DCHS2: variants seen among roughly 807,000 people sequenced by gnomAD.
DCHS2 encodes the protein protocadherin-23.
A neutral mutation model predicts 182.4 loss-of-function variants in DCHS2; 142 were observed. That is an observed-to-expected ratio of 0.78 (90% confidence interval 0.68 to 0.89). The LOEUF (loss-of-function observed/expected upper bound fraction) is 0.89. Among genes scored for constraint, DCHS2 ranks in the 40% least tolerant of loss-of-function variants. The probability of loss-of-function intolerance (pLI) is 0.00; values close to 1 mark genes in which losing one functional copy is unlikely to be tolerated. For missense variants in DCHS2, 4,319 were observed against 4,198.6 expected (o/e 1.03, Z -0.79); for synonymous variants, 1,740 against 1,663.3 (o/e 1.05, Z -1.12).
rs1243415261 is a variant in DCHS2 at position 154,490,747 on chromosome 4, G to T, written c.609C>A (p.Gly203=). Residue 203 remains glycine (G), a synonymous_variant, in exon 1 of 20, where the codon GGC becomes GGA. Transcript: ENST00000357232. The stretch of plus-strand genomic sequence containing the variant: ...GGTCGGACGGTTGCACCAGGGTGTA[G>T]CCCTGAGTGCTGAACAGTCCGGCGT... ...DPDAGLFSTQ[G]YTLVQPSDLP... is the part of the protein sequence containing the mutation. 1.3e-6 allele frequency: 2 copies of T among 1,551,650 alleles called. No homozygotes were observed. The highest frequency in any genetic ancestry group is 2.4e-5 in the South Asian group (2 of 84,064).
At chr4:154,389,203 A>G (rs1453439956) in intron 1 of DCHS2, among the ~76,000 whole-genome samples, 1 of 152,042 alleles carries the variant, frequency 6.6e-6, no homozygotes, top group Non-Finnish European at 1.5e-5. Flanking sequence ...ATGAAATATT[A>G]TTTCTCTCTC....
chr4:154,478,748 G>A (rs1231193787), intron 1 of DCHS2, among the ~76,000 whole-genome samples: 1 of 152,164 alleles, frequency 6.6e-6, no homozygotes. Context: ...ACTGAAAACA[G>A]CCCAGTTAAG....
intron 1 of DCHS2, among the ~76,000 whole-genome samples, chr4:154,414,807 C>T (rs939242916): frequency 6.6e-6 from 1 of 152,096 alleles, no homozygotes. Context: ...CCTTGCTCAC[C>T]TCTTTCCTAA....
chr4:154,312,020 G>A (rs1034032865), intron 10 of DCHS2, among the ~76,000 whole-genome samples: 1 of 151,728 alleles, frequency 6.6e-6, no homozygotes, highest in African/African-American at 2.4e-5. Flanking sequence ...TATATATATA[G>A]AGAAAATTTA....
At chr4:154,367,037 A>AGT (rs1338764317) in intron 2 of DCHS2, among the ~76,000 whole-genome samples, 9 of 152,166 alleles carry the variant, frequency 5.9e-5, no homozygotes, top group Non-Finnish European at 1.0e-4. Context: ...GAAAGGAAAG[A>AGT]ATAACAGGCA....
chr4:154,425,064 G>A (rs1733266989), intron 1 of DCHS2, among the ~76,000 whole-genome samples: 1 of 152,202 alleles, frequency 6.6e-6, no homozygotes, highest in African/African-American at 2.4e-5. Flanking sequence ...CAGATAAACA[G>A]GATCGCTGGG....
chr4:154,267,257 G>A (rs1733323231), intron 14 of DCHS2, among the ~76,000 whole-genome samples: 1 of 152,206 alleles, frequency 6.6e-6, no homozygotes, highest in South Asian at 2.1e-4. Context: ...TCAAATACCA[G>A]GCAGGTGTGT....
intron 1 of DCHS2, among the ~76,000 whole-genome samples, chr4:154,386,272 C>G (rs1731412407): frequency 6.6e-6 from 1 of 152,210 alleles, no homozygotes; most frequent in South Asian, 2.1e-4. Flanking sequence ...CTGTCCGACT[C>G]TTTCACTCCC....
intron 1 of DCHS2, among the ~76,000 whole-genome samples, chr4:154,472,027 A>G (rs1735492406): frequency 7.0e-5 from 2 of 28,576 alleles, no homozygotes; most frequent in South Asian, 0.015. Context: ...TCTAACAAAA[A>G]CAACTTGCTA....
rs1578835438 is a variant in DCHS2, at chr4:154,236,762, G to A, written c.7890C>T (p.Ser2630=). The A allele has an allele frequency of 6.2e-7, 1 of 1,613,982 alleles. No individual in the cohort carries two copies. Among genetic ancestry groups the A allele is most frequent in the Non-Finnish European group, 8.5e-7 (1 of 1,179,958 alleles). The change falls in exon 20 of 20, where the codon AGC becomes AGT. Residue 2630 remains serine, a synonymous_variant. Transcript: ENST00000357232. ...CAGATGCCAGAATGACAAGCTCATG[G>A]CTAGCACTTGCTTCTCTGTCCAGAC... ...LHSLDREASA[S]HELVILASDS...
chr4:154,447,224 A>C (rs1333284668), intron 1 of DCHS2, among the ~76,000 whole-genome samples: 1 of 152,112 alleles, frequency 6.6e-6, no homozygotes, highest in Non-Finnish European at 1.5e-5. Flanking sequence ...CCTGGGAGGC[A>C]GGGGATGCAG....
intron 14 of DCHS2, among the ~76,000 whole-genome samples, chr4:154,265,618 A>G (rs1280125948): frequency 6.6e-6 from 1 of 152,176 alleles, no homozygotes; most frequent in Non-Finnish European, 1.5e-5. Flanking sequence ...GTCTTTCTTT[A>G]CGAGAAAAAA....
In DCHS2 at chr4:154,320,521, G is replaced by C. The variant is rs201679263; in HGVS notation, c.4878C>G (p.Ala1626=). Residue 1626 remains alanine (A), a synonymous_variant, in exon 9 of 20, where the codon GCC becomes GCG. Coordinates refer to ENST00000357232, the MANE Select transcript of DCHS2 (RefSeq NM_001358235.2). The part of the protein sequence containing the change: ...HNPTFISFPN[A]HVKEDVTVGS... ...CCACTGTGACATCCTCTTTGACATG[G>C]GCATTGGGGAAAGAAATAAAAGTGG... 1 of 1,613,988 alleles carries C rather than the reference G, an allele frequency of 6.2e-7. No individual in the cohort carries two copies. The highest frequency in any genetic ancestry group is 2.2e-5 in the East Asian group (1 of 44,860).
chr4:154,456,409 C>CCCTGG (rs1734769112), intron 1 of DCHS2, among the ~76,000 whole-genome samples: 1 of 152,182 alleles, frequency 6.6e-6, no homozygotes, highest in Non-Finnish European at 1.5e-5. Flanking sequence ...CAGGAATCTG[C>CCCTGG]AGTCCAACGG....
At chr4:154,368,582 T>C (rs1295723620) in intron 2 of DCHS2, among the ~76,000 whole-genome samples, 1 of 151,760 alleles carries the variant, frequency 6.6e-6, no homozygotes. Flanking sequence ...AATGGCACGA[T>C]CTTGGCTCAC....
At chr4:154,251,373 C>T (rs1349116990) in intron 16 of DCHS2, among the ~76,000 whole-genome samples, 1 of 149,752 alleles carries the variant, frequency 6.7e-6, no homozygotes, top group Non-Finnish European at 1.5e-5. Context: ...ACCACTTTAC[C>T]TCTCTGAGTT....
intron 1 of DCHS2, among the ~76,000 whole-genome samples, chr4:154,417,972 A>G (rs964788424): frequency 6.6e-6 from 1 of 152,204 alleles, no homozygotes; most frequent in South Asian, 2.1e-4. Context: ...ACACCAGTGG[A>G]TGTCAGAAAA....
At chr4:154,362,030 T>C (rs1730147384) in intron 3 of DCHS2, among the ~76,000 whole-genome samples, 1 of 152,190 alleles carries the variant, frequency 6.6e-6, no homozygotes, top group Non-Finnish European at 1.5e-5. Flanking sequence ...AATGTATAAA[T>C]GGGCTCATCA....
At chr4:154,468,833 C>G (rs551181449) in intron 1 of DCHS2, among the ~76,000 whole-genome samples, 60 of 152,002 alleles carry the variant, frequency 3.9e-4, no homozygotes, top group Non-Finnish European at 1.5e-4. Flanking sequence ...TACTATGTAC[C>G]AGGCATTGGT....
Sources: gnomAD v4.1 joint callset for allele counts (sites outside exome capture counted in the v4.1 genomes callset) on GRCh38, gnomAD v4.1.1 for gene constraint, MANE v1.5 for transcripts, NCBI Gene and HGNC (gene_info 2026-07-23, HGNC 2026-07-21) for gene names.